The following CLDN11 variants were observed in gnomAD, a reference collection of about 807,000 sequenced individuals.
The protein encoded by CLDN11 is claudin-11.
CLDN11 carries 1 observed loss-of-function variant against 18.0 expected under a neutral mutation model. That is an observed-to-expected ratio of 0.06 (90% confidence interval 0.02 to 0.26). The LOEUF is 0.26. Among genes scored for constraint, CLDN11 ranks in the 10% least tolerant of loss-of-function variants. The pLI, the probability that CLDN11 is intolerant of heterozygous loss-of-function variation, is 1.00. For synonymous variants in CLDN11, 116 were observed against 121.5 expected, an observed-to-expected ratio of 0.96 and a Z score of 0.30; for missense variants, 172 against 276.6, an observed-to-expected ratio of 0.62 and a Z score of 2.68.
intron 2 of CLDN11, among the ~76,000 whole-genome samples, chr3:170,425,216 C>A (rs1473060659): frequency 6.6e-6 from 1 of 152,168 alleles, no homozygotes; most frequent in Non-Finnish European, 1.5e-5. Context: ...TTCTCCTAGA[C>A]ACTTGCTGTT....
chr3:170,423,604 A>T, intron 2 of CLDN11: 3 of 411,158 alleles, frequency 7.3e-6, no homozygotes, highest in Admixed American at 3.5e-5. Flanking sequence ...GACCTGAAAG[A>T]TGGAAGCCTT....
intron 2 of CLDN11, among the ~76,000 whole-genome samples, chr3:170,428,140 CAA>C (rs34713746): frequency 2.5e-4 from 27 of 106,890 alleles, no homozygotes; most frequent in African/African-American, 4.6e-4. Context: ...GATATCCTAT[CAA>C]AAAAAAAAAA....
intron 2 of CLDN11, among the ~76,000 whole-genome samples, chr3:170,428,475 A>C (rs140613336): frequency 2.0e-5 from 3 of 152,312 alleles, no homozygotes; most frequent in African/African-American, 7.2e-5. Flanking sequence ...ATTGTGTTGC[A>C]TTATTTGAAA....
intron 1 of CLDN11, chr3:170,421,472 C>G (rs1421946912): frequency 1.2e-5 from 2 of 167,454 alleles, no homozygotes; most frequent in African/African-American, 2.4e-5. Flanking sequence ...TCTGAAGGAG[C>G]TGAGATGGGC....
At chr3:170,425,938 A>G (rs1738842310) in intron 2 of CLDN11, among the ~76,000 whole-genome samples, 1 of 152,186 alleles carries the variant, frequency 6.6e-6, no homozygotes, top group Non-Finnish European at 1.5e-5. Flanking sequence ...CGGAGCCCCA[A>G]GTGCCTTGTT....
chr3:170,423,446 G>C, intron 2 of CLDN11, 119 bp downstream of exon 2: 2 of 1,078,976 alleles, frequency 1.9e-6, no homozygotes, highest in Non-Finnish European at 2.7e-6. Context: ...TGAAGCCAGT[G>C]GGGGATGGAC....
chr3:170,424,023 C>CAA (rs58373106), intron 2 of CLDN11, among the ~76,000 whole-genome samples: 31,264 of 119,726 alleles, frequency 0.26, 4,517 homozygotes, highest in East Asian at 0.56. Flanking sequence ...AGTGCAACTC[C>CAA]AAAAAAAAAA....
In CLDN11 at chr3:170,432,741, G is replaced by A; in HGVS notation, c.609G>A (p.Lys203=). 1 of 1,614,238 alleles carries A rather than the reference G, an allele frequency of 6.2e-7. No individual in the cohort carries two copies. The highest frequency in any genetic ancestry group is 8.5e-7 in the Non-Finnish European group (1 of 1,180,040). The change falls in exon 3 of 3, where the codon AAG becomes AAA. Residue 203 remains lysine, a synonymous_variant. Coordinates refer to ENST00000064724, the MANE Select transcript of CLDN11 (RefSeq NM_005602.6). The stretch of plus-strand genomic sequence containing the variant: ...GCTCTAGCTCCCCGACTCATGCGAA[G>A]AGTGCCCACGTATAAGAGGGCTGCC... ...TAGSSSPTHA[K]SAHV is the part of the protein sequence containing the mutation.
rs1482837837 is a variant in CLDN11, at chr3:170,433,922, A to G, written c.*1166A>G. On this transcript the variant is annotated 3_prime_UTR_variant, in exon 3 of 3. Transcript: ENST00000064724. ...TTCCCCCACTTTTCTCTCTATTTGT[A>G]TTGTTAGCCATCTTGAAGTGATGTT... 1 of 152,528 alleles carries G rather than the reference A, an allele frequency of 6.6e-6. No individual in the cohort carries two copies. Among genetic ancestry groups the G allele is most frequent in the Non-Finnish European group, 1.5e-5 (1 of 68,024 alleles). 9.4% of individuals were successfully genotyped at this position (152,528 alleles called of 1,614,324 possible).
chr3:170,421,673 G>C (rs1244931259), intron 1 of CLDN11, among the ~76,000 whole-genome samples: 1 of 152,104 alleles, frequency 6.6e-6, no homozygotes, highest in African/African-American at 2.4e-5. Flanking sequence ...GAGCAAAAAA[G>C]GGAGGGTAAT....
At chr3:170,426,025 C>A (rs1738844120) in intron 2 of CLDN11, among the ~76,000 whole-genome samples, 1 of 152,104 alleles carries the variant, frequency 6.6e-6, no homozygotes, top group East Asian at 1.9e-4. Flanking sequence ...TTCTGTCACT[C>A]CCCCAGAGAA....
intron 1 of CLDN11, among the ~76,000 whole-genome samples, chr3:170,420,309 T>C (rs1738693448): frequency 6.6e-6 from 1 of 152,216 alleles, no homozygotes; most frequent in African/African-American, 2.4e-5. Context: ...CAAGGTGGGC[T>C]TCTGTCCCCC....
intron 2 of CLDN11, among the ~76,000 whole-genome samples, chr3:170,431,566 G>A (rs1168280943): frequency 6.6e-6 from 1 of 152,086 alleles, no homozygotes; most frequent in Non-Finnish European, 1.5e-5. Flanking sequence ...ATAACTTGTG[G>A]CCACTCCATT....
chr3:170,432,056 T>C (rs750216649), intron 2 of CLDN11, among the ~76,000 whole-genome samples: 1 of 152,214 alleles, frequency 6.6e-6, no homozygotes, highest in Non-Finnish European at 1.5e-5. Flanking sequence ...CTGGTCTACA[T>C]TGAGCACATA....
intron 2 of CLDN11, among the ~76,000 whole-genome samples, chr3:170,429,879 A>G (rs1738953244): frequency 6.6e-6 from 1 of 152,254 alleles, no homozygotes; most frequent in Non-Finnish European, 1.5e-5. Flanking sequence ...TACAAAGTAT[A>G]GTTGAAAAAT....
At chr3:170,427,495 C>A (rs1738886033) in intron 2 of CLDN11, among the ~76,000 whole-genome samples, 1 of 152,132 alleles carries the variant, frequency 6.6e-6, no homozygotes, top group African/African-American at 2.4e-5. Context: ...GTGGCACACG[C>A]CTGTAATCCC....
chr3:170,423,319 T>C lies in CLDN11; in HGVS notation c.383T>C (p.Ile128Thr). The C allele has an allele frequency of 1.2e-6, 2 of 1,614,156 alleles. No individual in the cohort carries two copies. Reference protein sequence around the residue: ...RRAQLAGVLLILLALCALVAT... With the variant: ...RRAQLAGVLLTLLALCALVAT... ...GCCCAGCTGGCTGGTGTTTTGCTCA[T>C]TCTGCTGGGTAAGACAGCTTTCTCA... Residue 128 changes from isoleucine (I) to threonine (T), a missense_variant, in exon 2 of 3, where the codon ATT becomes ACT. Physicochemically the swap from Ile to Thr is moderately conservative, Grantham distance 89. Transcript: ENST00000064724.
At chr3:170,423,415 G>A (rs1252958170) in intron 2 of CLDN11, 88 bp downstream of exon 2, 3 of 1,481,362 alleles carry the variant, frequency 2.0e-6, no homozygotes, top group African/African-American at 2.8e-5. Flanking sequence ...AAGTTCAAGA[G>A]AAATGTGAAA....
rs534914207 is a variant in CLDN11 at position 170,433,983 on chromosome 3, C to T, written c.*1227C>T. The T allele has an allele frequency of 8.5e-5, 13 of 152,622 alleles. No individual in the cohort carries two copies. In the East Asian group the frequency reaches 1.2e-3, roughly 14 times the overall value. 9.5% of individuals were successfully genotyped at this position (152,622 alleles called of 1,614,324 possible). On this transcript the variant is annotated 3_prime_UTR_variant, in exon 3 of 3. Coordinates refer to ENST00000064724, the MANE Select transcript of CLDN11 (RefSeq NM_005602.6). Reference sequence around the variant, plus strand: ...AATTGTACTGTTGAATTTGGCTTTACGGGTGTAAACACTGATGGTATATCA... The same window carrying T: ...AATTGTACTGTTGAATTTGGCTTTATGGGTGTAAACACTGATGGTATATCA...
Sources: gnomAD v4.1 joint callset for allele counts (sites outside exome capture counted in the v4.1 genomes callset) on GRCh38, gnomAD v4.1.1 for gene constraint, MANE v1.5 for transcripts, NCBI Gene and HGNC (gene_info 2026-07-23, HGNC 2026-07-21) for gene names.